Variants in MRPS6 observed in about 807,000 individuals in gnomAD.
The protein encoded by MRPS6 is mitochondrial ribosomal protein S6.
MRPS6 carries 6 observed loss-of-function variants against 13.1 expected under a neutral mutation model. The ratio of observed to expected loss-of-function variants is 0.46; its 90% CI spans 0.25 to 0.91. The LOEUF is 0.91. Among genes scored for constraint, MRPS6 ranks in the 40% least tolerant of loss-of-function variants. MRPS6 has a pLI of 0.18. For missense variants in MRPS6, 164 were observed against 155.6 expected (o/e 1.05, Z -0.29); for synonymous variants, 61 against 56.5 (o/e 1.08, Z -0.36).
intron 1 of MRPS6, among the ~76,000 whole-genome samples, chr21:34,091,402 T>G (rs558017608): frequency 3.3e-5 from 5 of 152,198 alleles, no homozygotes; most frequent in African/African-American, 9.6e-5. Context: ...TCCTGCTGTT[T>G]ACATATAGTT....
chr21:34,133,472 C>T (rs1980577280), intron 2 of MRPS6, among the ~76,000 whole-genome samples: 1 of 152,172 alleles, frequency 6.6e-6, no homozygotes, highest in South Asian at 2.1e-4. Flanking sequence ...CCCTGTGAAG[C>T]AGTTGAATGG....
chr21:34,076,467 T>TA (rs1417341524), intron 1 of MRPS6, among the ~76,000 whole-genome samples: 1 of 152,208 alleles, frequency 6.6e-6, no homozygotes, highest in Non-Finnish European at 1.5e-5. Flanking sequence ...GTTGTACAAT[T>TA]AGTCACCCAG....
intron 1 of MRPS6, chr21:34,095,999 G>A (rs891136793): frequency 6.2e-7 from 1 of 1,614,086 alleles, no homozygotes; most frequent in African/African-American, 1.3e-5. Context: ...TCATTCTTGG[G>A]CAGACCCCAG....
intron 1 of MRPS6, among the ~76,000 whole-genome samples, chr21:34,119,310 A>T (rs762060335): frequency 9.9e-5 from 15 of 152,156 alleles, no homozygotes; most frequent in Non-Finnish European, 1.2e-4. Flanking sequence ...TTTCCATGAC[A>T]CCCATTTGAC....
At chr21:34,100,946 T>A in intron 1 of MRPS6, 1 of 1,000,190 alleles carries the variant, frequency 1.0e-6, no homozygotes, top group Non-Finnish European at 1.2e-6. Flanking sequence ...CTTACAGGGT[T>A]AACTTATGAT....
chr21:34,106,176 A>G (rs1979467189), intron 1 of MRPS6: 2 of 988,296 alleles, frequency 2.0e-6, no homozygotes, highest in Middle Eastern at 5.3e-4. Flanking sequence ...TTTCTGTGGT[A>G]TTTTGTCCTG....
intron 1 of MRPS6, chr21:34,102,687 AAGC>A: frequency 1.1e-5 from 11 of 1,000,176 alleles, no homozygotes; most frequent in Non-Finnish European, 1.3e-5. Context: ...AGAATAAAGT[AAGC>A]AGCTGAAGAG....
rs751642021 is a variant in MRPS6 at position 34,096,485 on chromosome 21, C to A, written c.45+22740C>A. The A allele has an allele frequency of 4.3e-6, 7 of 1,614,158 alleles. No individual in the cohort carries two copies. The highest frequency in any genetic ancestry group is 5.9e-6 in the Non-Finnish European group (7 of 1,180,024). ...TCAGCATAGCATGGGTGCCAATCAT[C>A]GTGGAGATGCAAGGAGGCCAGATGT... On this transcript the variant is annotated intron_variant, in intron 1 of 2. Transcript: ENST00000399312. The surrounding 1 kb of genome is among the most constrained non-coding windows in gnomAD (Gnocchi z 5.9).
At chr21:34,092,969 A>AACAGCAGTTTTCATTGTAATTGAC (rs968840238) in intron 1 of MRPS6, among the ~76,000 whole-genome samples, 2 of 152,244 alleles carry the variant, frequency 1.3e-5, no homozygotes, top group Non-Finnish European at 2.9e-5. Context: ...CATAACTGCG[A>AACAGCAGTTTTCATTGTAATTGAC]ACAGCAGTTT....
Position 34,142,756 on chromosome 21 carries a change from T to TAA in MRPS6, c.*156_*157insAA. 1.2e-6 allele frequency: 1 copy of TAA among 825,864 alleles called. No homozygotes were observed. Among genetic ancestry groups the TAA allele is most frequent in the South Asian group, 2.6e-5 (1 of 39,136 alleles). The allele number at this position is 825,864 out of a possible 1,614,324, so 51.2% of individuals were successfully genotyped here. A position where few individuals can be genotyped will look rare whatever the true frequency, so the allele number is the denominator to read the frequency against. On this transcript the variant is annotated 3_prime_UTR_variant, in exon 3 of 3. Transcript: ENST00000399312. ...ATTTTTAGCCCTTGATCCCCTTTGCTTGCGAGAGGTGGGGAACTGCTCACT... is the reference window on the plus strand; with the variant it reads ...ATTTTTAGCCCTTGATCCCCTTTGCTAATGCGAGAGGTGGGGAACTGCTCACT...
At chr21:34,075,537 A>AG (rs898076305) in intron 1 of MRPS6, among the ~76,000 whole-genome samples, 1 of 152,110 alleles carries the variant, frequency 6.6e-6, no homozygotes, top group African/African-American at 2.4e-5. Context: ...GCATGAGGGA[A>AG]GGGGGGCAAA....
At chr21:34,086,107 T>C (rs114313336) in intron 1 of MRPS6, among the ~76,000 whole-genome samples, 2 of 152,348 alleles carry the variant, frequency 1.3e-5, no homozygotes, top group South Asian at 2.1e-4. Flanking sequence ...CCCCACTCTT[T>C]ACCTTTCCGG....
chr21:34,107,859 C>A (rs1024986966), intron 1 of MRPS6, among the ~76,000 whole-genome samples: 3 of 152,204 alleles, frequency 2.0e-5, no homozygotes, highest in Admixed American at 6.5e-5. Flanking sequence ...GTTCTGGATG[C>A]ACTGTGTCAT....
chr21:34,085,825 A>G (rs1978342391), intron 1 of MRPS6, among the ~76,000 whole-genome samples: 1 of 152,102 alleles, frequency 6.6e-6, no homozygotes, highest in Non-Finnish European at 1.5e-5. Flanking sequence ...GGTGGTCTTG[A>G]TGTCCTGACC....
At chr21:34,074,974 CCAG>C (rs1989291698) in intron 1 of MRPS6, among the ~76,000 whole-genome samples, 1 of 152,190 alleles carries the variant, frequency 6.6e-6, no homozygotes, top group African/African-American at 2.4e-5. Context: ...ATTGTGTCCC[CCAG>C]CTTGTTCTTC....
At chr21:34,079,705 T>G (rs1989417681) in intron 1 of MRPS6, among the ~76,000 whole-genome samples, 1 of 142,044 alleles carries the variant, frequency 7.0e-6, no homozygotes, top group Admixed American at 7.5e-5. Context: ...CGCTTTGGTC[T>G]CCCAAAGTGC....
intron 1 of MRPS6, among the ~76,000 whole-genome samples, chr21:34,093,692 G>T (rs7509951): frequency 1 from 152,316 of 152,370 alleles, 76,131 homozygotes; most frequent in Middle Eastern, 1. Context: ...TAAAATTGTT[G>T]TTCGTATTGA....
chr21:34,116,024 C>A (rs547247901), intron 1 of MRPS6, among the ~76,000 whole-genome samples: 1 of 151,488 alleles, frequency 6.6e-6, no homozygotes, highest in Non-Finnish European at 1.5e-5. Flanking sequence ...CCCATCCCAA[C>A]CCCGACAGGG....
At chr21:34,117,872 G>A (rs1979981149) in intron 1 of MRPS6, among the ~76,000 whole-genome samples, 1 of 152,026 alleles carries the variant, frequency 6.6e-6, no homozygotes, top group Non-Finnish European at 1.5e-5. Flanking sequence ...GATGCGTGAT[G>A]TTTTCCCGCA....
Sources: allele counts gnomAD v4.1 joint callset (sites outside exome capture counted in the v4.1 genomes callset), GRCh38; gene constraint gnomAD v4.1.1; non-coding constraint Gnocchi (gnomAD v3.1); transcripts MANE v1.5; gene names NCBI Gene and HGNC (gene_info 2026-07-23, HGNC 2026-07-21).